The following SCUBE1 variants were observed in gnomAD, a reference collection of about 807,000 sequenced individuals.
SCUBE1 encodes signal peptide, CUB domain and EGF like domain containing 1.
Under a neutral mutation model 124.4 loss-of-function variants are expected in SCUBE1, and 59 were observed. The observed-to-expected ratio is 0.47, with a 90% CI of 0.38 to 0.59. The LOEUF (loss-of-function observed/expected upper bound fraction) is 0.59, where lower values mean the gene tolerates loss of function less well. Ranked by LOEUF, SCUBE1 falls within the 20% of genes least tolerant of loss-of-function variation. SCUBE1 has a pLI of 0.00. For synonymous variants in SCUBE1, 545 were observed against 550.9 expected, an observed-to-expected ratio of 0.99 and a Z score of 0.15; for missense variants, 1,150 against 1,371.2, an observed-to-expected ratio of 0.84 and a Z score of 2.55.
chr22:43,257,308 G>GGCTTAAAAAAA (rs1923698219), intron 6 of SCUBE1, among the ~76,000 whole-genome samples: 2 of 151,864 alleles, frequency 1.3e-5, no homozygotes, highest in Non-Finnish European at 2.9e-5. Context: ...TAAGAAATGG[G>GGCTTAAAAAAA]GCTTAAAAAA....
intron 2 of SCUBE1, among the ~76,000 whole-genome samples, chr22:43,328,680 A>T (rs9623812): frequency 0.28 from 42,992 of 151,998 alleles, 6,346 homozygotes; most frequent in Non-Finnish European, 0.32. Context: ...TCTTTCTCTC[A>T]TCTCGGGATC....
chr22:43,258,027 GAAGCCTCCCCAGA>G lies in SCUBE1; in HGVS notation c.727+179_727+191del, dbSNP rs937794312. Among the ~76,000 whole-genome samples, 50 of 151,654 alleles carry G rather than the reference GAAGCCTCCCCAGA, an allele frequency of 3.3e-4. No individual in the cohort carries two copies. Among genetic ancestry groups the G allele is most frequent in the African/African-American group, 1.1e-3 (45 of 40,914 alleles). ...GTCTTGGGGGGCTGCAGGCCCCAGAGAAGCCTCCCCAGAAAGCCTCCCCAGGGGCGCCGGCCAT... is the reference window on the plus strand; with the variant it reads ...GTCTTGGGGGGCTGCAGGCCCCAGAGAAGCCTCCCCAGGGGCGCCGGCCAT... On this transcript the variant is annotated intron_variant, in intron 6 of 21. Transcript: ENST00000360835. The surrounding 1 kb of genome is among the most constrained non-coding windows in gnomAD (Gnocchi z 5.0).
At position 43,199,215 on chromosome 22, in the gene SCUBE1, T is replaced by C. The variant is rs1359830482; in HGVS notation, c.*4782A>G. On this transcript the variant is annotated 3_prime_UTR_variant, in exon 22 of 22. Transcript: ENST00000360835. ...TGACTCAACTTATTTCAGTATCTTA[T>C]TTTTTCTGCTGGGGGTGGTGGAGGC... The C allele has an allele frequency of 5.8e-6, 1 of 171,702 alleles. No homozygotes were observed. Among genetic ancestry groups the C allele is most frequent in the African/African-American group, 2.7e-5 (1 of 37,176 alleles). 10.6% of individuals were successfully genotyped at this position (171,702 alleles called of 1,614,324 possible).
At chr22:43,231,497 G>A (rs1194473336) in intron 8 of SCUBE1, among the ~76,000 whole-genome samples, 2 of 152,216 alleles carry the variant, frequency 1.3e-5, no homozygotes, top group African/African-American at 2.4e-5. Context: ...GGAGGGGCTG[G>A]GTGAACTGAT....
chr22:43,303,070 G>C (rs976691449), intron 3 of SCUBE1, among the ~76,000 whole-genome samples: 3 of 152,254 alleles, frequency 2.0e-5, no homozygotes, highest in African/African-American at 7.2e-5. Flanking sequence ...CTCCAGCCAA[G>C]TCAGCTGATT....
chr22:43,206,218 AAC>A (rs1243717444), intron 21 of SCUBE1, among the ~76,000 whole-genome samples: 4 of 120,294 alleles, frequency 3.3e-5, no homozygotes, highest in African/African-American at 3.3e-5. Flanking sequence ...ACACCCACTC[AAC>A]ACACACCCCT....
chr22:43,208,032 T>C, intron 20 of SCUBE1, 40 bp downstream of exon 20: 1 of 1,609,806 alleles, frequency 6.2e-7, no homozygotes, highest in East Asian at 2.2e-5. Flanking sequence ...GGGCCCCGCC[T>C]GAGCCGTGCA....
chr22:43,296,271 G>A (rs961172353), intron 3 of SCUBE1, among the ~76,000 whole-genome samples: 1 of 152,250 alleles, frequency 6.6e-6, no homozygotes, highest in Non-Finnish European at 1.5e-5. Flanking sequence ...CTGACACGCA[G>A]AGTGTCCCAA....
intron 8 of SCUBE1, among the ~76,000 whole-genome samples, chr22:43,231,195 G>A (rs1042455150): frequency 2.0e-5 from 3 of 152,082 alleles, no homozygotes; most frequent in African/African-American, 7.2e-5. Context: ...CTGGAAAATC[G>A]CTACTCACCC....
chr22:43,296,594 G>A (rs1424845513), intron 3 of SCUBE1, among the ~76,000 whole-genome samples: 1 of 152,242 alleles, frequency 6.6e-6, no homozygotes, highest in African/African-American at 2.4e-5. Flanking sequence ...AGAGAGACGG[G>A]GGAGGTAGAG....
At chr22:43,288,878 C>T (rs1925249864) in intron 4 of SCUBE1, among the ~76,000 whole-genome samples, 1 of 152,248 alleles carries the variant, frequency 6.6e-6, no homozygotes, top group Non-Finnish European at 1.5e-5. Context: ...GTGGCCCCAG[C>T]AGCCCCTGCT....
chr22:43,245,607 C>T (rs1002999377), intron 6 of SCUBE1, among the ~76,000 whole-genome samples: 2 of 152,176 alleles, frequency 1.3e-5, no homozygotes, highest in Non-Finnish European at 2.9e-5. Context: ...GGGGCCCCAA[C>T]GCCCATGATC....
chr22:43,294,803 C>T (rs564630120), intron 3 of SCUBE1, among the ~76,000 whole-genome samples: 48 of 152,266 alleles, frequency 3.2e-4, no homozygotes, highest in African/African-American at 1.1e-3. Flanking sequence ...TGGCTGGCCC[C>T]GTGTGAGAAT....
intron 3 of SCUBE1, among the ~76,000 whole-genome samples, chr22:43,303,477 G>A (rs1016955699): frequency 6.6e-6 from 1 of 152,250 alleles, no homozygotes; most frequent in African/African-American, 2.4e-5. Flanking sequence ...CCAGGACTAA[G>A]GAATAGTTTT....
At chr22:43,312,105 A>T (rs541190846) in intron 3 of SCUBE1, among the ~76,000 whole-genome samples, 1 of 152,356 alleles carries the variant, frequency 6.6e-6, no homozygotes, top group South Asian at 2.1e-4. Context: ...GAGGCTTGTT[A>T]GGTGAGAGGG....
intron 3 of SCUBE1, among the ~76,000 whole-genome samples, chr22:43,295,144 T>C (rs1303807305): frequency 6.6e-6 from 1 of 152,076 alleles, no homozygotes; most frequent in Non-Finnish European, 1.5e-5. Context: ...CCGATGGCGG[T>C]AGTGACGAAG....
chr22:43,248,964 C>A (rs866519459), intron 6 of SCUBE1, among the ~76,000 whole-genome samples: 2 of 152,294 alleles, frequency 1.3e-5, no homozygotes, highest in African/African-American at 4.8e-5. Context: ...CTGTGCTGTG[C>A]CCTGAGGGGG....
intron 3 of SCUBE1, among the ~76,000 whole-genome samples, chr22:43,299,829 C>T (rs182085629): frequency 5.9e-5 from 9 of 152,340 alleles, no homozygotes; most frequent in Admixed American, 3.3e-4. Context: ...TGTCTACTTT[C>T]CATCTATGGT....
In SCUBE1 at chr22:43,210,905, A is replaced by G; in HGVS notation, c.2383+17T>C. 6.2e-7 allele frequency: 1 copy of G among 1,612,406 alleles called. No homozygotes were observed. The highest frequency in any genetic ancestry group is 1.1e-5 in the South Asian group (1 of 91,064). ...TCCCGTGTTCCCAGCTTCCCACGGC[A>G]GAGCAGCAGCACCCACTTTTGCAGT... On this transcript the variant is annotated intron_variant, in intron 18 of 21. Transcript: ENST00000360835. This position sits in a 1 kb window ranked among gnomAD's most constrained non-coding sequence, Gnocchi z 4.5.
Sources: allele counts gnomAD v4.1 joint callset (sites outside exome capture counted in the v4.1 genomes callset), GRCh38; gene constraint gnomAD v4.1.1; non-coding constraint Gnocchi (gnomAD v3.1); transcripts MANE v1.5; gene names NCBI Gene and HGNC (gene_info 2026-07-23, HGNC 2026-07-21).